Variants in ST6GALNAC3 observed in about 807,000 individuals in gnomAD.
The protein encoded by ST6GALNAC3 is alpha-N-acetylgalactosaminide alpha-2,6-sialyltransferase 3.
In ST6GALNAC3, 25 loss-of-function variants were observed where a neutral mutation model predicts 32.7. The observed-to-expected ratio is 0.76, with a 90% CI of 0.56 to 1.07. The LOEUF is 1.07. Among genes scored for constraint, ST6GALNAC3 ranks in the 50% least tolerant of loss-of-function variants. The pLI, the probability that ST6GALNAC3 is intolerant of heterozygous loss-of-function variation, is 0.00. For missense variants in ST6GALNAC3, 355 were observed against 382.4 expected, an observed-to-expected ratio of 0.93 and a Z score of 0.60; for synonymous variants, 129 against 133.1, an observed-to-expected ratio of 0.97 and a Z score of 0.21.
At chr1:76,488,899 G>A (rs920429154) in intron 3 of ST6GALNAC3, among the ~76,000 whole-genome samples, 1 of 152,144 alleles carries the variant, frequency 6.6e-6, no homozygotes, top group African/African-American at 2.4e-5. Context: ...TGTCCAGCAG[G>A]CCCAGGGCAA....
intron 1 of ST6GALNAC3, among the ~76,000 whole-genome samples, chr1:76,159,754 C>G (rs1051337103): frequency 2.6e-5 from 4 of 152,124 alleles, no homozygotes; most frequent in African/African-American, 9.7e-5. Context: ...AAGATAAAAA[C>G]AAGTGTTTTC....
At chr1:76,413,527 G>A (rs981623693) in intron 3 of ST6GALNAC3, among the ~76,000 whole-genome samples, 3 of 152,118 alleles carry the variant, frequency 2.0e-5, no homozygotes, top group African/African-American at 7.2e-5. Context: ...ATCTCTGGAT[G>A]TAATTTGAAT....
At chr1:76,451,293 G>T (rs535952115) in intron 3 of ST6GALNAC3, among the ~76,000 whole-genome samples, 1 of 152,318 alleles carries the variant, frequency 6.6e-6, no homozygotes, top group East Asian at 1.9e-4. Flanking sequence ...CTCAATCATG[G>T]TGGTAGGTGA....
intron 1 of ST6GALNAC3, among the ~76,000 whole-genome samples, chr1:76,234,117 T>C (rs920999613): frequency 1.3e-5 from 2 of 152,226 alleles, no homozygotes; most frequent in Non-Finnish European, 2.9e-5. Flanking sequence ...GTTTGTGCGA[T>C]AATGAAGTGT....
chr1:76,196,878 G>A (rs1654237912), intron 1 of ST6GALNAC3, among the ~76,000 whole-genome samples: 1 of 150,798 alleles, frequency 6.6e-6, no homozygotes. Context: ...TGTATGGAAA[G>A]TGATGTCTAC....
Position 76,594,145 on chromosome 1 carries a change from T to A in ST6GALNAC3, c.624-33307T>A, listed in dbSNP as rs1190130840. Among the ~76,000 whole-genome samples the A allele has an allele frequency of 2.0e-5, 3 of 152,114 alleles. No individual in the cohort carries two copies. The East Asian group carries it at 5.8e-4, about 29-fold the overall frequency. ...CAGTCATATGACTATGTGATTTTAGTCATGGCTCGTGGAAATAAATATGCT... is the reference window on the plus strand; with the variant it reads ...CAGTCATATGACTATGTGATTTTAGACATGGCTCGTGGAAATAAATATGCT... On this transcript the variant is annotated intron_variant, in intron 3 of 4. Coordinates refer to ENST00000328299, the MANE Select transcript of ST6GALNAC3 (RefSeq NM_152996.4).
chr1:76,411,912 G>A, intron 2 of ST6GALNAC3, 96 bp from the exon 3 acceptor site: 2 of 1,320,834 alleles, frequency 1.5e-6, no homozygotes, highest in Non-Finnish European at 2.1e-6. Context: ...TCCATATTTG[G>A]TAATTATACA....
In ST6GALNAC3 at chr1:76,129,462, T is replaced by C. The variant is rs573006135; in HGVS notation, c.18+54578T>C. ...GATTTCAGTGCCGTTTCCCTTTGTC[T>C]GGAGTGCAGTGTCAAGAGTCCAAAT... On this transcript the variant is annotated intron_variant, in intron 1 of 4. Transcript: ENST00000328299. 9.2e-5 allele frequency among the ~76,000 whole-genome samples: 14 copies of C among 152,258 alleles called. No homozygotes were observed. The East Asian group carries it at 2.3e-3, about 25-fold the overall frequency.
chr1:76,105,421 A>G (rs577663624), intron 1 of ST6GALNAC3, among the ~76,000 whole-genome samples: 9 of 152,316 alleles, frequency 5.9e-5, no homozygotes, highest in South Asian at 4.1e-4. Context: ...AATTCACTGA[A>G]GAACCACAGA....
Position 76,282,357 on chromosome 1 carries a change from C to G in ST6GALNAC3, c.19-31448C>G, listed in dbSNP as rs1039481574. Among the ~76,000 whole-genome samples the G allele has an allele frequency of 2.0e-5, 3 of 152,026 alleles. No individual in the cohort carries two copies. In the South Asian group the frequency reaches 6.2e-4, roughly 32 times the overall value. ...ATATGTGATAAATACATACACATTA[C>G]AAATGCAATTATACTATACTTAATC... On this transcript the variant is annotated intron_variant, in intron 1 of 4. Coordinates refer to ENST00000328299, the MANE Select transcript of ST6GALNAC3 (RefSeq NM_152996.4).
chr1:76,533,496 C>T (rs1663397010), intron 3 of ST6GALNAC3, among the ~76,000 whole-genome samples: 1 of 152,124 alleles, frequency 6.6e-6, no homozygotes, highest in African/African-American at 2.4e-5. Flanking sequence ...AGGAACCCCG[C>T]TTCAGTCCAT....
chr1:76,184,520 C>CACACACAA (rs1553163161), intron 1 of ST6GALNAC3, among the ~76,000 whole-genome samples: 1 of 10,284 alleles, frequency 9.7e-5, no homozygotes, highest in East Asian at 0.021. Flanking sequence ...TCCTGGGCAG[C>CACACACAA]ACACACACAC....
At chr1:76,525,201 G>A (rs1278284948) in intron 3 of ST6GALNAC3, among the ~76,000 whole-genome samples, 1 of 151,960 alleles carries the variant, frequency 6.6e-6, no homozygotes, top group Non-Finnish European at 1.5e-5. Context: ...TAATGAGGAG[G>A]CCAAACTTCA....
chr1:76,201,574 A>G (rs1197374397), intron 1 of ST6GALNAC3, among the ~76,000 whole-genome samples: 1 of 152,136 alleles, frequency 6.6e-6, no homozygotes, highest in Non-Finnish European at 1.5e-5. Flanking sequence ...AACTGTTTGC[A>G]GTCTTCTGTG....
At chr1:76,350,430 G>A (rs12123510) in intron 2 of ST6GALNAC3, among the ~76,000 whole-genome samples, 32,234 of 151,992 alleles carry the variant, frequency 0.21, 3,811 homozygotes, top group Non-Finnish European at 0.26. Flanking sequence ...AAATATTTAA[G>A]CTTTAATTTT....
intron 1 of ST6GALNAC3, among the ~76,000 whole-genome samples, chr1:76,246,681 G>A (rs899922786): frequency 6.6e-6 from 1 of 152,116 alleles, no homozygotes; most frequent in African/African-American, 2.4e-5. Context: ...TCTCAAAACT[G>A]GTTATTCTAG....
intron 2 of ST6GALNAC3, among the ~76,000 whole-genome samples, chr1:76,368,006 G>T (rs1424912053): frequency 1.3e-5 from 2 of 152,042 alleles, no homozygotes; most frequent in South Asian, 2.1e-4. Context: ...TTATACTATT[G>T]CCCACTCCAG....
chr1:76,252,871 A>T (rs1369602180), intron 1 of ST6GALNAC3, among the ~76,000 whole-genome samples: 1 of 152,126 alleles, frequency 6.6e-6, no homozygotes, highest in Non-Finnish European at 1.5e-5. Context: ...TGGACCAAGG[A>T]TTGCTGATGA....
intron 1 of ST6GALNAC3, among the ~76,000 whole-genome samples, chr1:76,136,880 T>G (rs1193087809): frequency 1.3e-5 from 2 of 152,208 alleles, no homozygotes; most frequent in South Asian, 2.1e-4. Context: ...GCAGTTCTCA[T>G]ACAAATCCCA....
Sources: gnomAD v4.1 joint callset for allele counts (sites outside exome capture counted in the v4.1 genomes callset) on GRCh38, gnomAD v4.1.1 for gene constraint, MANE v1.5 for transcripts, NCBI Gene and HGNC (gene_info 2026-07-23, HGNC 2026-07-21) for gene names.